ANKS1B: variants seen among roughly 807,000 people sequenced by gnomAD.
ANKS1B encodes ankyrin repeat and sterile alpha motif domain containing 1B.
A neutral mutation model predicts 148.3 loss-of-function variants in ANKS1B; 36 were observed. That is an observed-to-expected ratio of 0.24 (90% CI 0.19 to 0.32). ANKS1B has a LOEUF of 0.32. ANKS1B is among the 10% of genes least tolerant of loss of function. The pLI is 1.00. For synonymous variants in ANKS1B, 542 were observed against 560.8 expected (o/e 0.97, Z 0.47); for missense variants, 1,157 against 1,542.6 (o/e 0.75, Z 4.19).
chr12:99,392,108 C>T (rs1016325830), intron 12 of ANKS1B, among the ~76,000 whole-genome samples: 1 of 152,186 alleles, frequency 6.6e-6, no homozygotes, highest in African/African-American at 2.4e-5. Flanking sequence ...CAGCTTGCCC[C>T]GAATCTTAGC....
chr12:99,348,477 T>A (rs967202813), intron 12 of ANKS1B, among the ~76,000 whole-genome samples: 15 of 151,354 alleles, frequency 9.9e-5, no homozygotes, highest in Admixed American at 9.9e-4. Context: ...CCAAGTAAGA[T>A]AAACTCCAAC....
chr12:99,648,102 C>G, intron 9 of ANKS1B: 2 of 1,538,196 alleles, frequency 1.3e-6, no homozygotes, highest in Non-Finnish European at 1.8e-6. Context: ...GCCAAGGAAA[C>G]AGGATGCCCG....
At chr12:98,912,276 G>A (rs920937652) in intron 17 of ANKS1B, among the ~76,000 whole-genome samples, 2 of 152,106 alleles carry the variant, frequency 1.3e-5, no homozygotes, top group African/African-American at 2.4e-5. Flanking sequence ...TCTTCATCAC[G>A]ACTCTGAGCA....
chr12:99,533,614 C>T (rs943491572), intron 9 of ANKS1B, among the ~76,000 whole-genome samples: 3 of 152,160 alleles, frequency 2.0e-5, no homozygotes, highest in African/African-American at 7.2e-5. Context: ...TTGTTCCAGC[C>T]TTCAGGGAGA....
intron 16 of ANKS1B, among the ~76,000 whole-genome samples, chr12:99,080,223 G>A (rs1313010754): frequency 6.6e-6 from 1 of 152,148 alleles, no homozygotes; most frequent in African/African-American, 2.4e-5. Context: ...AATGAACCCA[G>A]TTTGGTTGAT....
intron 12 of ANKS1B, among the ~76,000 whole-genome samples, chr12:99,318,217 A>T (rs374586038): frequency 5.3e-5 from 8 of 152,066 alleles, no homozygotes; most frequent in Non-Finnish European, 1.0e-4. Flanking sequence ...TTTCTATTGA[A>T]TGGAATAGTT....
intron 12 of ANKS1B, among the ~76,000 whole-genome samples, chr12:99,263,985 G>C (rs1379089068): frequency 1.3e-5 from 2 of 152,064 alleles, no homozygotes; most frequent in East Asian, 3.9e-4. Context: ...TACAATTCTT[G>C]AATCTCAAGT....
At chr12:99,171,353 T>C (rs551440739) in intron 14 of ANKS1B, among the ~76,000 whole-genome samples, 157 of 152,196 alleles carry the variant, frequency 1.0e-3, no homozygotes, top group Middle Eastern at 3.4e-3. Flanking sequence ...CATTCTGAAA[T>C]TCAAAAATAG....
rs185126337 is a variant in ANKS1B, at chr12:99,108,704, G to A, written c.2527-23681C>T. Among the ~76,000 whole-genome samples the A allele has an allele frequency of 7.9e-5, 12 of 152,220 alleles. No individual in the cohort carries two copies. In the East Asian group the frequency reaches 1.5e-3, roughly 20 times the overall value. On this transcript the variant is annotated intron_variant, in intron 15 of 26. Transcript: ENST00000683438. ...GTAGGTGACTAAAGAAATGGTTGCC[G>A]AGAAAAAGTATGAAACAGAGTTTAG...
intron 8 of ANKS1B, among the ~76,000 whole-genome samples, chr12:99,703,581 C>T (rs1317039261): frequency 3.9e-5 from 6 of 151,950 alleles, no homozygotes; most frequent in Non-Finnish European, 7.4e-5. Context: ...TGTCATAATC[C>T]TCTTCATTTA....
intron 17 of ANKS1B, among the ~76,000 whole-genome samples, chr12:98,989,931 G>T (rs148566871): frequency 6.8e-6 from 1 of 147,704 alleles, no homozygotes; most frequent in East Asian, 2.0e-4. Flanking sequence ...GAAAGAGAAA[G>T]AAAGAGAAAG....
chr12:99,030,459 CG>C, intron 17 of ANKS1B, among the ~76,000 whole-genome samples: 1 of 151,898 alleles, frequency 6.6e-6, no homozygotes, highest in African/African-American at 2.4e-5. Flanking sequence ...CCCCCACCCC[CG>C]TCTAATGAAA....
intron 11 of ANKS1B, among the ~76,000 whole-genome samples, chr12:99,428,855 A>T (rs1358249154): frequency 6.6e-6 from 1 of 152,186 alleles, no homozygotes; most frequent in Non-Finnish European, 1.5e-5. Context: ...AAAATCATAT[A>T]TGAGATAAGC....
At position 99,520,484 on chromosome 12, in the gene ANKS1B, C is replaced by T. The variant is rs190838462; in HGVS notation, c.1273-15843G>A. ...TTTGTTATTTGTTTCTTTTCTTTTGCTACTTTTAGGATCCTTCCTTTATCC... is the reference window on the plus strand; with the variant it reads ...TTTGTTATTTGTTTCTTTTCTTTTGTTACTTTTAGGATCCTTCCTTTATCC... On this transcript the variant is annotated intron_variant, in intron 9 of 26. Transcript: ENST00000683438. Among the ~76,000 whole-genome samples, 5 of 152,214 alleles carry T rather than the reference C, an allele frequency of 3.3e-5. No individual in the cohort carries two copies. In the East Asian group the frequency reaches 7.7e-4, roughly 23 times the overall value.
intron 12 of ANKS1B, among the ~76,000 whole-genome samples, chr12:99,351,608 T>A (rs2091429189): frequency 6.6e-6 from 1 of 152,078 alleles, no homozygotes; most frequent in African/African-American, 2.4e-5. Context: ...TATAAAATGA[T>A]AATGTCCAGT....
At chr12:99,648,414 C>A in intron 9 of ANKS1B, 1 of 1,614,190 alleles carries the variant, frequency 6.2e-7, no homozygotes, top group Non-Finnish European at 8.5e-7. Context: ...GCCCCTGCCT[C>A]ACACTACCTG....
chr12:99,574,901 T>C (rs2097500703), intron 9 of ANKS1B, among the ~76,000 whole-genome samples: 1 of 152,084 alleles, frequency 6.6e-6, no homozygotes, highest in Non-Finnish European at 1.5e-5. Context: ...TTTACCATCG[T>C]GCCAGAGGTT....
chr12:99,972,135 G>A (rs1321720706), intron 1 of ANKS1B, among the ~76,000 whole-genome samples: 2 of 151,808 alleles, frequency 1.3e-5, no homozygotes, highest in Non-Finnish European at 2.9e-5. Flanking sequence ...CCTCTCCTTG[G>A]GCCTCCCTAT....
At chr12:98,925,313 A>G (rs976234649) in intron 17 of ANKS1B, among the ~76,000 whole-genome samples, 1 of 152,206 alleles carries the variant, frequency 6.6e-6, no homozygotes, top group Non-Finnish European at 1.5e-5. Flanking sequence ...GGAAGAATGA[A>G]AAATCTATAC....
Sources: gnomAD v4.1 joint callset for allele counts (sites outside exome capture counted in the v4.1 genomes callset) on GRCh38, gnomAD v4.1.1 for gene constraint, MANE v1.5 for transcripts, NCBI Gene and HGNC (gene_info 2026-07-23, HGNC 2026-07-21) for gene names.